The following MOV10L1 variants were observed in gnomAD, a reference collection of about 807,000 sequenced individuals.
MOV10L1 encodes the protein Mov10 like RNA helicase 1, also known as RNA helicase Mov10l1.
MOV10L1 carries 110 observed loss-of-function variants against 143.8 expected under a neutral mutation model. That is an observed-to-expected ratio of 0.76 (90% CI 0.66 to 0.90). The LOEUF is 0.90. Among genes scored for constraint, MOV10L1 ranks in the 40% least tolerant of loss-of-function variants. The pLI, the probability that MOV10L1 is intolerant of heterozygous loss-of-function variation, is 0.00. For missense variants in MOV10L1, 1,406 were observed against 1,526.8 expected (o/e 0.92, Z 1.32); for synonymous variants, 593 against 581.1 (o/e 1.02, Z -0.29).
intron 13 of MOV10L1, 71 bp from the exon 14 acceptor site, chr22:50,133,936 C>T: frequency 7.7e-7 from 1 of 1,297,756 alleles, no homozygotes; most frequent in Non-Finnish European, 1.1e-6. Context: ...ATAAAATTTT[C>T]ATTACCTTAT....
At chr22:50,137,801 TTATATA>T (rs201590090) in intron 15 of MOV10L1, among the ~76,000 whole-genome samples, 2 of 60,142 alleles carry the variant, frequency 3.3e-5, no homozygotes, top group Admixed American at 5.1e-4. Flanking sequence ...TATACATATT[TTATATA>T]TATACATATA....
intron 9 of MOV10L1, among the ~76,000 whole-genome samples, chr22:50,119,301 C>CA (rs1258526284): frequency 3.9e-5 from 6 of 152,158 alleles, no homozygotes; most frequent in Non-Finnish European, 1.5e-5. Context: ...CCTGGAGCAC[C>CA]AGGTGTCTGG....
At chr22:50,144,625 A>AG (rs1279657626) in intron 18 of MOV10L1, among the ~76,000 whole-genome samples, 2 of 150,714 alleles carry the variant, frequency 1.3e-5, no homozygotes, top group Non-Finnish European at 2.9e-5. Context: ...TGTGTCGCCC[A>AG]GGCTGAAGTG....
rs142031401 is a variant in MOV10L1 at position 50,120,273 on chromosome 22, C to T, written c.1455-229C>T. ...CCCACAGCCTGTGCAGCTACACTTA[C>T]CTGTTTACAAATAGTAGAGCACTTG... On this transcript the variant is annotated intron_variant, in intron 9 of 26. Transcript: ENST00000262794. Among the ~76,000 whole-genome samples the T allele has an allele frequency of 2.7e-3, 410 of 152,244 alleles. 1 individual carries two copies. Among genetic ancestry groups the T allele is most frequent in the African/African-American group, 9.4e-3 (391 of 41,542 alleles).
At chr22:50,120,711 C>G (rs2062315368) in intron 10 of MOV10L1, 95 bp downstream of exon 10, 1 of 875,302 alleles carries the variant, frequency 1.1e-6, no homozygotes, top group East Asian at 2.5e-5. Flanking sequence ...TTCAGACCTT[C>G]ATCTGGCTTG....
rs571400779 is a variant in MOV10L1 at position 50,134,174 on chromosome 22, A to G, written c.1969+109A>G. Reference sequence around the variant, plus strand: ...CTTCAGTCATAATATTAGAAGTAAAACTTTTGTTATATTCATGTTTTTAAT... The same window carrying G: ...CTTCAGTCATAATATTAGAAGTAAAGCTTTTGTTATATTCATGTTTTTAAT... On this transcript the variant is annotated intron_variant, in intron 14 of 26. Transcript: ENST00000262794. 84 of 826,584 alleles carry G rather than the reference A, an allele frequency of 1.0e-4. No homozygotes were observed. In the African/African-American group the frequency reaches 1.5e-3, roughly 14 times the overall value. The allele number at this position is 826,584 out of a possible 1,614,324, so 51.2% of individuals were successfully genotyped here.
At chr22:50,122,425 T>TG (rs2062371845) in intron 10 of MOV10L1, among the ~76,000 whole-genome samples, 1 of 152,246 alleles carries the variant, frequency 6.6e-6, no homozygotes, top group Non-Finnish European at 1.5e-5. Flanking sequence ...CTGAATTTAT[T>TG]TATTCTAACA....
chr22:50,157,621 A>T (rs2063458906), intron 22 of MOV10L1, among the ~76,000 whole-genome samples: 1 of 152,062 alleles, frequency 6.6e-6, no homozygotes, highest in East Asian at 1.9e-4. Context: ...ATCTGGCCGT[A>T]TATTCGAGGG....
chr22:50,120,920 C>T (rs905999130), intron 10 of MOV10L1, among the ~76,000 whole-genome samples: 1 of 152,212 alleles, frequency 6.6e-6, no homozygotes, highest in Non-Finnish European at 1.5e-5. Context: ...GCCTCTCTCG[C>T]TAGACTAGGA....
Position 50,099,461 on chromosome 22 carries a change from A to G in MOV10L1, c.301A>G (p.Lys101Glu), listed in dbSNP as rs774963444. 3 of 1,614,034 alleles carry G rather than the reference A, an allele frequency of 1.9e-6. No homozygotes were observed. The highest frequency in any genetic ancestry group is 2.2e-5 in the South Asian group (2 of 91,070). ...KAIRVEAVSD[K>E]WEDDSRNHGS... ...TTTACAGGTAGAAGCTGTCTCTGAT[A>G]AGTGGGAAGACGACAGCAGAAACCA... is the stretch of plus-strand genomic sequence containing the variant. The change falls in exon 3 of 27, where the codon AAG (lysine) becomes GAG (glutamate). Residue 101 changes from lysine (K) to glutamate (E), a missense_variant. Lys to Glu is a moderately conservative substitution (Grantham distance 56). Around this residue, in one of 3 missense-constraint regions of MOV10L1, gnomAD observed 166 missense variants for 153.9 expected, o/e 1.08. Coordinates refer to ENST00000262794, the MANE Select transcript of MOV10L1 (RefSeq NM_018995.3).
intron 15 of MOV10L1, among the ~76,000 whole-genome samples, chr22:50,138,172 T>C (rs1333597063): frequency 6.6e-6 from 1 of 152,140 alleles, no homozygotes; most frequent in African/African-American, 2.4e-5. Context: ...TGTTCTTTGC[T>C]TGTAAGATCA....
At chr22:50,099,686 G>A in intron 3 of MOV10L1, 84 bp downstream of exon 3, 2 of 1,465,756 alleles carry the variant, frequency 1.4e-6, no homozygotes, top group Non-Finnish European at 1.9e-6. Flanking sequence ...GGTGGCTCAT[G>A]CCTATAATCC....
chr22:50,146,870 C>T (rs1602331359), intron 19 of MOV10L1: 1 of 575,978 alleles, frequency 1.7e-6, no homozygotes, highest in Non-Finnish European at 3.1e-6. Flanking sequence ...ATTGATGAGA[C>T]ACTTTACATT....
intron 9 of MOV10L1, among the ~76,000 whole-genome samples, chr22:50,119,626 C>T (rs2062280763): frequency 6.6e-6 from 1 of 151,172 alleles, no homozygotes; most frequent in Non-Finnish European, 1.5e-5. Flanking sequence ...TTTCCCTTTA[C>T]CTTGTTCGTG....
intron 10 of MOV10L1, among the ~76,000 whole-genome samples, chr22:50,123,404 G>T (rs753391488): frequency 1.6e-4 from 25 of 151,978 alleles, no homozygotes; most frequent in Non-Finnish European, 3.2e-4. Flanking sequence ...TCACTGTGTT[G>T]CCCAGGCTGG....
In MOV10L1 at chr22:50,152,530, G is replaced by A. The variant is rs2063327921; in HGVS notation, c.2893-515G>A. ...ACTGGTGATATCACAGTCACCCTCA[G>A]CCGCATCAGTGAAGTCACAGCCAGG... On this transcript the variant is annotated intron_variant, in intron 21 of 26. Transcript: ENST00000262794. The surrounding 1 kb of genome is among the most constrained non-coding windows in gnomAD (Gnocchi z 4.4). 6.6e-6 allele frequency among the ~76,000 whole-genome samples: 1 copy of A among 152,192 alleles called. No homozygotes were observed. The highest frequency in any genetic ancestry group is 1.5e-5 in the Non-Finnish European group (1 of 68,026).
chr22:50,118,441 T>G (rs2062243481), intron 9 of MOV10L1, among the ~76,000 whole-genome samples: 2 of 152,260 alleles, frequency 1.3e-5, no homozygotes, highest in South Asian at 4.2e-4. Flanking sequence ...ATATTATTAT[T>G]GAGAAAAAGG....
intron 9 of MOV10L1, among the ~76,000 whole-genome samples, chr22:50,118,175 T>C (rs1232900620): frequency 6.6e-6 from 1 of 152,138 alleles, no homozygotes; most frequent in Non-Finnish European, 1.5e-5. Flanking sequence ...AGGGAAAACC[T>C]GTTACCAGGG....
In MOV10L1 at chr22:50,159,910, A is replaced by T; in HGVS notation, c.3324+125A>T. On this transcript the variant is annotated intron_variant, in intron 24 of 26. Transcript: ENST00000262794. The surrounding 1 kb of genome is among the most constrained non-coding windows in gnomAD (Gnocchi z 4.1). ...CCCAGAGAAGCAGCTGCAGGCGGAG[A>T]CTCCCTAGGTCCAGGAGCCATTGTA... 1.5e-6 allele frequency: 1 copy of T among 645,620 alleles called. No homozygotes were observed. The highest frequency in any genetic ancestry group is 1.9e-5 in the South Asian group (1 of 52,648). The allele number at this position is 645,620 out of a possible 1,614,324, so 40.0% of individuals were successfully genotyped here.
Sources: gnomAD v4.1 joint callset for allele counts (sites outside exome capture counted in the v4.1 genomes callset) on GRCh38, gnomAD v4.1.1 for gene constraint, gnomAD v4.1.1 regional missense constraint, Gnocchi (gnomAD v3.1) non-coding constraint, MANE v1.5 for transcripts, NCBI Gene and HGNC (gene_info 2026-07-23, HGNC 2026-07-21) for gene names.